MBD5: variants seen among roughly 807,000 people sequenced by gnomAD.
MBD5 encodes the protein methyl-CpG-binding domain protein 5.
In MBD5, 13 loss-of-function variants were observed where a neutral mutation model predicts 117.3. That is an observed-to-expected ratio of 0.11 (90% confidence interval 0.07 to 0.18). MBD5 has a LOEUF of 0.18. Ranked by LOEUF, MBD5 falls within the 10% of genes least tolerant of loss-of-function variation. The probability of loss-of-function intolerance (pLI) is 1.00; values close to 1 mark genes in which losing one functional copy is unlikely to be tolerated. For missense variants in MBD5, 1,879 were observed against 2,093.8 expected (o/e 0.90, Z 2.00); for synonymous variants, 727 against 766.4 (o/e 0.95, Z 0.85).
intron 3 of MBD5, among the ~76,000 whole-genome samples, chr2:148,233,698 T>C (rs2106153220): frequency 6.6e-6 from 1 of 152,266 alleles, no homozygotes; most frequent in South Asian, 2.1e-4. Flanking sequence ...AAGCAGGGCT[T>C]TTTCATATCT....
chr2:148,258,306 C>T (rs990628771), intron 3 of MBD5, among the ~76,000 whole-genome samples: 26 of 152,158 alleles, frequency 1.7e-4, no homozygotes, highest in Admixed American at 1.2e-3. Flanking sequence ...AGTCAAACAA[C>T]GGATGCCAAG....
intron 4 of MBD5, among the ~76,000 whole-genome samples, chr2:148,385,752 C>T (rs1003140749): frequency 2.5e-4 from 36 of 144,208 alleles, no homozygotes; most frequent in African/African-American, 7.5e-4. Flanking sequence ...AAATGTGGCA[C>T]ATATACACCA....
chr2:148,097,345 T>C (rs1435312120), intron 1 of MBD5, among the ~76,000 whole-genome samples: 1 of 152,192 alleles, frequency 6.6e-6, no homozygotes, highest in Admixed American at 6.5e-5. Flanking sequence ...ACGCCTTCTA[T>C]GTTTCAAGCA....
intron 2 of MBD5, among the ~76,000 whole-genome samples, chr2:148,198,181 A>T (rs1574125063): frequency 6.6e-6 from 1 of 151,952 alleles, no homozygotes; most frequent in East Asian, 1.9e-4. Context: ...TCTTTTTTTC[A>T]CTAAAACATA....
chr2:148,115,830 T>A (rs1415140470), intron 1 of MBD5, among the ~76,000 whole-genome samples: 2 of 152,112 alleles, frequency 1.3e-5, no homozygotes, highest in Non-Finnish European at 2.9e-5. Flanking sequence ...AGAGATCTTA[T>A]CATTTTTATT....
chr2:148,181,934 T>C (rs1431424522), intron 2 of MBD5, among the ~76,000 whole-genome samples: 1 of 152,152 alleles, frequency 6.6e-6, no homozygotes, highest in East Asian at 1.9e-4. Flanking sequence ...AACCCTCTTA[T>C]TCTTAACAGA....
At chr2:148,105,063 G>A (rs150056351) in intron 1 of MBD5, among the ~76,000 whole-genome samples, 9 of 151,898 alleles carry the variant, frequency 5.9e-5, no homozygotes, top group South Asian at 2.1e-4. Flanking sequence ...TTTCTATTTC[G>A]TCTTGAGTCA....
At chr2:148,180,524 T>C (rs1172165714) in intron 2 of MBD5, among the ~76,000 whole-genome samples, 1 of 151,510 alleles carries the variant, frequency 6.6e-6, no homozygotes, top group Non-Finnish European at 1.5e-5. Context: ...TTGTTGTTGT[T>C]GTCGTGTGTT....
Position 148,490,197 on chromosome 2 carries a change from A to G in MBD5, c.4565A>G (p.His1522Arg). ...RLENTVERCAHINGNRPRQSR... is the reference protein window; with the variant it reads ...RLENTVERCARINGNRPRQSR... ...GAGAACACTGTGGAAAGATGTGCAC[A>G]CATAAATGGGAATAGACCTCGACAG... The change falls in exon 11 of 14, where the codon CAC becomes CGC. Residue 1522 changes from histidine (H) to arginine (R), a missense_variant. His to Arg is a conservative substitution (Grantham distance 29). Coordinates refer to ENST00000642680, the MANE Select transcript of MBD5 (RefSeq NM_001378120.1). 1 of 1,614,228 alleles carries G rather than the reference A, an allele frequency of 6.2e-7. No homozygotes were observed. The highest frequency in any genetic ancestry group is 1.1e-5 in the South Asian group (1 of 91,084).
chr2:148,428,995 G>A (rs1705898569), intron 4 of MBD5, among the ~76,000 whole-genome samples: 1 of 152,132 alleles, frequency 6.6e-6, no homozygotes, highest in African/African-American at 2.4e-5. Flanking sequence ...ATTGACAAAT[G>A]GGATCCAATT....
rs191973415 is a variant in MBD5, at chr2:148,286,778, A to G, written c.-680+53383A>G. Among the ~76,000 whole-genome samples, 509 of 152,346 alleles carry G rather than the reference A, an allele frequency of 3.3e-3. 1 individual carries two copies. The highest frequency in any genetic ancestry group is 0.012 in the African/African-American group (500 of 41,590). ...CCAGGACAAGGAATCTAAATGAAAT[A>G]GGAACCAAAGACTTATGGTAAAGGA... On this transcript the variant is annotated intron_variant, in intron 3 of 13. Coordinates refer to ENST00000642680, the MANE Select transcript of MBD5 (RefSeq NM_001378120.1).
chr2:148,501,093 C>T (rs1681858063), intron 11 of MBD5, among the ~76,000 whole-genome samples: 1 of 152,106 alleles, frequency 6.6e-6, no homozygotes, highest in Non-Finnish European at 1.5e-5. Flanking sequence ...GGGCAAAATA[C>T]AAAAACATGA....
intron 4 of MBD5, among the ~76,000 whole-genome samples, chr2:148,367,370 AACCCT>A (rs1489705821): frequency 1.2e-4 from 19 of 152,364 alleles, no homozygotes; most frequent in Admixed American, 3.3e-4. Context: ...AAACCATAAA[AACCCT>A]AGAAGAAAAC....
At chr2:148,383,417 A>G (rs529027131) in intron 4 of MBD5, among the ~76,000 whole-genome samples, 6 of 152,308 alleles carry the variant, frequency 3.9e-5, no homozygotes, top group African/African-American at 1.4e-4. Context: ...AAGAAGCTGA[A>G]TCTCCAAATA....
chr2:148,221,353 C>A (rs904229464), intron 2 of MBD5, among the ~76,000 whole-genome samples: 8 of 152,090 alleles, frequency 5.3e-5, no homozygotes, highest in African/African-American at 1.9e-4. Flanking sequence ...GACTGTTCTC[C>A]ATAGTGCTTT....
intron 4 of MBD5, among the ~76,000 whole-genome samples, chr2:148,408,596 T>C (rs534246147): frequency 7.9e-5 from 12 of 152,334 alleles, no homozygotes; most frequent in African/African-American, 2.6e-4. Context: ...TTTAATGTTC[T>C]AGTCTTTTTT....
At chr2:148,197,522 T>C (rs1699018508) in intron 2 of MBD5, among the ~76,000 whole-genome samples, 2 of 152,202 alleles carry the variant, frequency 1.3e-5, no homozygotes. Flanking sequence ...CTAATGTGTG[T>C]AATGGTCTCC....
At chr2:148,148,913 T>C (rs2105614061) in intron 1 of MBD5, among the ~76,000 whole-genome samples, 1 of 152,198 alleles carries the variant, frequency 6.6e-6, no homozygotes, top group East Asian at 1.9e-4. Flanking sequence ...CATTAATTAA[T>C]TAAATAAATA....
Position 148,201,464 on chromosome 2 carries a change from C to T in MBD5, c.-831+22671C>T, listed in dbSNP as rs574811413. Reference sequence around the variant, plus strand: ...TTGTCTGCAGCCCGACAGACAGAGGCGCCTTAACAACTCTGTCAGCCCGGT... The same window carrying T: ...TTGTCTGCAGCCCGACAGACAGAGGTGCCTTAACAACTCTGTCAGCCCGGT... On this transcript the variant is annotated intron_variant, in intron 2 of 13. Transcript: ENST00000642680. Among the ~76,000 whole-genome samples, 417 of 152,298 alleles carry T rather than the reference C, an allele frequency of 2.7e-3. 15 individuals carry two copies. In the South Asian group the frequency reaches 0.082, roughly 30 times the overall value.
Sources: gnomAD v4.1 joint callset for allele counts (sites outside exome capture counted in the v4.1 genomes callset) on GRCh38, gnomAD v4.1.1 for gene constraint, MANE v1.5 for transcripts, NCBI Gene and HGNC (gene_info 2026-07-23, HGNC 2026-07-21) for gene names.